The following AKAP19 variants were observed in gnomAD, a reference collection of about 807,000 sequenced individuals.
AKAP19 encodes the protein A-kinase anchoring protein 19.
chr2:190,046,702 C>A, the AKAP19 span, among the ~76,000 whole-genome samples: 11 of 152,352 alleles, frequency 7.2e-5, no homozygotes, highest in East Asian at 2.1e-3. Flanking sequence ...ACAAAAATCA[C>A]AAGTATCTAA....
chr2:190,054,633 T>G, the AKAP19 span, among the ~76,000 whole-genome samples: 24 of 151,964 alleles, frequency 1.6e-4, no homozygotes, highest in African/African-American at 5.8e-4. Flanking sequence ...TCCAACAAAT[T>G]TACAAGAATA....
At chr2:190,103,912 A>C in the AKAP19 span, among the ~76,000 whole-genome samples, 3 of 152,010 alleles carry the variant, frequency 2.0e-5, no homozygotes, top group African/African-American at 7.2e-5. Context: ...AAGCCAAAGG[A>C]ATCACATTAC....
chr2:190,056,638 A>T, the AKAP19 span: 1 of 152,532 alleles, frequency 6.6e-6, no homozygotes, highest in Admixed American at 6.6e-5. Context: ...ATTTTACTGA[A>T]TGTTTTTTAT....
At chr2:189,975,027 T>C in the AKAP19 span, among the ~76,000 whole-genome samples, 2 of 152,224 alleles carry the variant, frequency 1.3e-5, no homozygotes, top group African/African-American at 2.4e-5. Flanking sequence ...GTCATTATGA[T>C]ATTAGCTGGT....
chr2:190,100,389 C>G, the AKAP19 span, among the ~76,000 whole-genome samples: 1 of 152,176 alleles, frequency 6.6e-6, no homozygotes, highest in Non-Finnish European at 1.5e-5. Flanking sequence ...GTTTGCTTTT[C>G]AGACCTGCTC....
At chr2:190,176,870 A>G in the AKAP19 span, among the ~76,000 whole-genome samples, 1 of 152,238 alleles carries the variant, frequency 6.6e-6, no homozygotes, top group Non-Finnish European at 1.5e-5. This position sits in a 1 kb window ranked among gnomAD's most constrained non-coding sequence, Gnocchi z 4.7. Flanking sequence ...AATCTTAGCA[A>G]ATACGAGGTA....
chr2:190,197,570 C>T, the AKAP19 span, among the ~76,000 whole-genome samples: 2 of 152,248 alleles, frequency 1.3e-5, no homozygotes, highest in Non-Finnish European at 2.9e-5. This position sits in a 1 kb window ranked among gnomAD's most constrained non-coding sequence, Gnocchi z 4.0. Context: ...TCAGAGTTGC[C>T]ACTCTCTGAC....
At chr2:190,196,138 T>C in the AKAP19 span, among the ~76,000 whole-genome samples, 5 of 152,042 alleles carry the variant, frequency 3.3e-5, no homozygotes, top group African/African-American at 1.2e-4. Flanking sequence ...TAATTGTCCC[T>C]CCCCAACCCC....
chr2:189,888,466 A>G, the AKAP19 span, among the ~76,000 whole-genome samples: 1 of 152,166 alleles, frequency 6.6e-6, no homozygotes. Flanking sequence ...AGTTTTTTGT[A>G]AATCTGTGAA....
the AKAP19 span, chr2:189,924,338 A>C: frequency 1.1e-6 from 1 of 912,624 alleles, no homozygotes; most frequent in East Asian, 2.4e-5. Flanking sequence ...TGTTTTCCCC[A>C]TCCTTGTCCT....
At chr2:189,950,946 T>G in the AKAP19 span, among the ~76,000 whole-genome samples, 1 of 152,142 alleles carries the variant, frequency 6.6e-6, no homozygotes, top group East Asian at 1.9e-4. Flanking sequence ...TGTACTGACT[T>G]AATTTTCAAC....
chr2:190,004,048 T>C, the AKAP19 span, among the ~76,000 whole-genome samples: 1 of 151,760 alleles, frequency 6.6e-6, no homozygotes, highest in African/African-American at 2.4e-5. Flanking sequence ...GACACTATCA[T>C]TTTGGGGGAG....
the AKAP19 span, among the ~76,000 whole-genome samples, chr2:190,123,945 C>G: frequency 1.3e-5 from 2 of 152,202 alleles, no homozygotes; most frequent in Non-Finnish European, 2.9e-5. Flanking sequence ...CTGGGATACA[C>G]TAATATCCTA....
At chr2:190,134,767 T>A in the AKAP19 span, among the ~76,000 whole-genome samples, 1 of 152,192 alleles carries the variant, frequency 6.6e-6, no homozygotes, top group Non-Finnish European at 1.5e-5. Flanking sequence ...GTTTTCTTAA[T>A]CTGCATTTTC....
the AKAP19 span, chr2:190,200,780 C>CTT: frequency 6.0e-6 from 1 of 167,574 alleles, no homozygotes; most frequent in South Asian, 2.1e-4. Context: ...CTAAAGCCAT[C>CTT]TTAGAGATAA....
the AKAP19 span, among the ~76,000 whole-genome samples, chr2:190,166,174 A>G: frequency 6.6e-6 from 1 of 151,676 alleles, no homozygotes; most frequent in Non-Finnish European, 1.5e-5. Context: ...AAAATATGAG[A>G]GAATAAAATG....
the AKAP19 span, among the ~76,000 whole-genome samples, chr2:190,071,777 C>A: frequency 6.6e-6 from 1 of 151,226 alleles, no homozygotes. Flanking sequence ...ATAATGTACA[C>A]AAGATGGAGA....
chr2:189,993,894 T>A, the AKAP19 span, among the ~76,000 whole-genome samples: 2 of 152,196 alleles, frequency 1.3e-5, no homozygotes, highest in Admixed American at 1.3e-4. Flanking sequence ...TTGGATCTTC[T>A]CTCTTCTTGA....
chr2:190,062,472 C>T, the AKAP19 span: 1 of 1,613,640 alleles, frequency 6.2e-7, no homozygotes, highest in Non-Finnish European at 8.5e-7. Flanking sequence ...TCTCCAAGTA[C>T]ATGCATTACA....
Sources: allele counts gnomAD v4.1 joint callset (sites outside exome capture counted in the v4.1 genomes callset), GRCh38; gene constraint gnomAD v4.1.1; non-coding constraint Gnocchi (gnomAD v3.1); transcripts MANE v1.5; gene names NCBI Gene and HGNC (gene_info 2026-07-23, HGNC 2026-07-21).